TIAL1: variants seen among roughly 807,000 people sequenced by gnomAD.
TIAL1 encodes the protein TIA1 cytotoxic granule associated RNA binding protein like 1.
TIAL1 carries 7 observed loss-of-function variants against 59.7 expected under a neutral mutation model. The observed-to-expected ratio is 0.12, with a 90% CI of 0.07 to 0.22. The LOEUF (loss-of-function observed/expected upper bound fraction) is 0.22, where lower values mean the gene tolerates loss of function less well. TIAL1 is among the 10% of genes least tolerant of loss of function. TIAL1 has a pLI of 1.00. For missense variants in TIAL1, 225 were observed against 462.5 expected, an observed-to-expected ratio of 0.49 and a Z score of 4.71; for synonymous variants, 149 against 146.3, an observed-to-expected ratio of 1.02 and a Z score of -0.13.
At chr10:119,590,762 G>GAGAAAGAAAGAAAGAAAGAAAGAAAGAA (rs60594014) in intron 1 of TIAL1, among the ~76,000 whole-genome samples, 1 of 125,292 alleles carries the variant, frequency 8.0e-6, no homozygotes, top group Non-Finnish European at 1.7e-5. Flanking sequence ...GAGAGAAAGA[G>GAGAAAGAAAGAAAGAAAGAAAGAAAGAA]AGAAAGAAAG....
chr10:119,586,423 C>G (rs1258794404), intron 2 of TIAL1, among the ~76,000 whole-genome samples: 1 of 152,182 alleles, frequency 6.6e-6, no homozygotes, highest in African/African-American at 2.4e-5. Flanking sequence ...CTAGCACTTT[C>G]GAGAATAAGC....
At chr10:119,590,766 A>AAGAAAGAG (rs1554867684) in intron 1 of TIAL1, among the ~76,000 whole-genome samples, 1 of 56,490 alleles carries the variant, frequency 1.8e-5, no homozygotes, top group Non-Finnish European at 3.3e-5. Flanking sequence ...GAAAGAGAGA[A>AAGAAAGAG]AGAAAGAAAG....
chr10:119,577,830 C>A, intron 7 of TIAL1, 94 bp from the exon 8 acceptor site: 1 of 1,130,282 alleles, frequency 8.8e-7, no homozygotes, highest in Non-Finnish European at 1.3e-6. Flanking sequence ...ATGCCTCAGG[C>A]CGGGCACCCA....
At position 119,581,641 on chromosome 10, in the gene TIAL1, CCATT is replaced by C. The variant is rs199780402; in HGVS notation, c.371+277_371+280del. The stretch of plus-strand genomic sequence containing the variant: ...AAAAAGCTAGACTTTATAAGTTTTA[CCATT>C]CAAACATCTGCTTCAAAGATAACAA... On this transcript the variant is annotated intron_variant, in intron 5 of 11. Transcript: ENST00000436547. The C allele has an allele frequency of 4.0e-3, 1,014 of 250,792 alleles. 6 individuals carry two copies. Among genetic ancestry groups the C allele is most frequent in the African/African-American group, 0.021 (953 of 44,584 alleles). The allele number at this position is 250,792 out of a possible 1,614,324, so 15.5% of individuals were successfully genotyped here. A position where few individuals can be genotyped will look rare whatever the true frequency, so the allele number is the denominator to read the frequency against.
intron 1 of TIAL1, among the ~76,000 whole-genome samples, chr10:119,594,005 A>C (rs1846020625): frequency 6.7e-6 from 1 of 150,210 alleles, no homozygotes; most frequent in Non-Finnish European, 1.5e-5. Flanking sequence ...AGTACCTCTT[A>C]TGTTCCAGGC....
At chr10:119,585,274 A>G (rs1327278693) in intron 2 of TIAL1, among the ~76,000 whole-genome samples, 1 of 152,026 alleles carries the variant, frequency 6.6e-6, no homozygotes, top group Non-Finnish European at 1.5e-5. Flanking sequence ...CATTGGTAAC[A>G]TGGTGAAACC....
rs566873827 is a variant in TIAL1 at position 119,575,429 on chromosome 10, A to AT, written c.*235dup. The AT allele has an allele frequency of 3.5e-3, 1,326 of 380,368 alleles. 6 individuals carry two copies. The highest frequency in any genetic ancestry group is 5.2e-3 in the Non-Finnish European group (1,107 of 213,652). The allele number at this position is 380,368 out of a possible 1,614,324, so 23.6% of individuals were successfully genotyped here. A position where few individuals can be genotyped will look rare whatever the true frequency, so the allele number is the denominator to read the frequency against. ...AGTCAGAATTGTCTTTATTGACTTT[A>AT]TTTTAGTTTTTGTACATAAAGAAAA... On this transcript the variant is annotated 3_prime_UTR_variant, in exon 12 of 12. Coordinates refer to ENST00000436547, the MANE Select transcript of TIAL1 (RefSeq NM_003252.4).
chr10:119,584,097 T>C (rs1210808777), intron 2 of TIAL1, among the ~76,000 whole-genome samples: 3 of 152,188 alleles, frequency 2.0e-5, no homozygotes, highest in Non-Finnish European at 2.9e-5. Context: ...CCATACACTT[T>C]AGGAAACTAG....
intron 6 of TIAL1, 189 bp from the exon 7 acceptor site, chr10:119,579,023 A>G: frequency 3.4e-6 from 2 of 592,266 alleles, no homozygotes; most frequent in South Asian, 4.2e-5. Flanking sequence ...CAATCTAAGC[A>G]AAAACAGAAT....
chr10:119,585,799 C>T (rs1845543749), intron 2 of TIAL1, among the ~76,000 whole-genome samples: 1 of 152,170 alleles, frequency 6.6e-6, no homozygotes, highest in Non-Finnish European at 1.5e-5. Flanking sequence ...TTGAGCTCAA[C>T]AATGACCTCT....
chr10:119,591,350 T>C (rs889352672), intron 1 of TIAL1, among the ~76,000 whole-genome samples: 2 of 149,272 alleles, frequency 1.3e-5, no homozygotes, highest in African/African-American at 2.5e-5. Flanking sequence ...GAGGTTGCAG[T>C]GGGCTGAGAT....
At position 119,577,663 on chromosome 10, in the gene TIAL1, T is replaced by C. The variant is rs1845069302; in HGVS notation, c.630A>G (p.Gly210=). 1.2e-6 allele frequency: 2 copies of C among 1,614,038 alleles called. No homozygotes were observed. The highest frequency in any genetic ancestry group is 1.7e-6 in the Non-Finnish European group (2 of 1,180,006). The change falls in exon 8 of 12, where the codon GGA becomes GGG. Residue 210 remains glycine, a synonymous_variant. Coordinates refer to ENST00000436547, the MANE Select transcript of TIAL1 (RefSeq NM_003252.4). ...SSPKNCTVYC[G]GIASGLTDQL... is the part of the protein sequence containing the mutation. ...TACCTGTTAACCCAGACGCAATTCC[T>C]CCACAGTACACAGTACAATTTTTTG... is the stretch of plus-strand genomic sequence containing the variant.
intron 8 of TIAL1, 28 bp downstream of exon 8, chr10:119,577,611 CAG>C: frequency 6.2e-7 from 1 of 1,608,450 alleles, no homozygotes; most frequent in Non-Finnish European, 8.5e-7. Flanking sequence ...TGAAGCTCCT[CAG>C]AGGTGATTAG....
chr10:119,587,603 AG>A (rs1011491395), intron 2 of TIAL1, among the ~76,000 whole-genome samples: 1 of 152,094 alleles, frequency 6.6e-6, no homozygotes, highest in Non-Finnish European at 1.5e-5. Context: ...CACTTACTGC[AG>A]TATCTAGTAC....
chr10:119,585,122 C>CAAAA (rs34500092), intron 2 of TIAL1, among the ~76,000 whole-genome samples: 5 of 46,498 alleles, frequency 1.1e-4, no homozygotes, highest in East Asian at 4.8e-4. Flanking sequence ...GATTCCATCT[C>CAAAA]AAAAAAAAAA....
In TIAL1 at chr10:119,575,425, C is replaced by G; in HGVS notation, c.*240G>C. On this transcript the variant is annotated 3_prime_UTR_variant, in exon 12 of 12. Coordinates refer to ENST00000436547, the MANE Select transcript of TIAL1 (RefSeq NM_003252.4). ...TTGTAGTCAGAATTGTCTTTATTGACTTTATTTTAGTTTTTGTACATAAAG... is the reference window on the plus strand; with the variant it reads ...TTGTAGTCAGAATTGTCTTTATTGAGTTTATTTTAGTTTTTGTACATAAAG... The G allele has an allele frequency of 2.7e-6, 1 of 364,764 alleles. No homozygotes were observed. Among genetic ancestry groups the G allele is most frequent in the East Asian group, 5.7e-5 (1 of 17,568 alleles). 22.6% of individuals were successfully genotyped at this position (364,764 alleles called of 1,614,324 possible).
At chr10:119,595,000 A>G (rs1418981764) in intron 1 of TIAL1, among the ~76,000 whole-genome samples, 1 of 152,210 alleles carries the variant, frequency 6.6e-6, no homozygotes, top group South Asian at 2.1e-4. Flanking sequence ...CACAAAACAC[A>G]AAGACGTTCT....
intron 1 of TIAL1, among the ~76,000 whole-genome samples, chr10:119,591,253 A>G (rs1845868531): frequency 6.6e-6 from 1 of 151,960 alleles, no homozygotes; most frequent in African/African-American, 2.4e-5. Context: ...AAAACACAAA[A>G]AATTAGCCAG....
chr10:119,575,780 G>A lies in TIAL1; in HGVS notation c.1013C>T (p.Ser338Phe). The change falls in exon 12 of 12, where the codon TCT becomes TTT. Residue 338 changes from serine (S) to phenylalanine (F), a missense_variant. Ser to Phe is a radical substitution (Grantham distance 155, BLOSUM62 -2). This residue lies in a region of TIAL1 where 68 missense variants were observed against 71.3 expected (regional missense o/e 0.95). Transcript: ENST00000436547. ...ACCAAATCCACCCATCCAAGCAGCA[G>A]AAGGTGATTGACTTGGAAGAAAAAG... The part of the protein sequence containing the change: ...QQGFGVDQSP[S>F]AAWMGGFGAQ... The A allele has an allele frequency of 6.5e-7, 1 of 1,545,300 alleles. No homozygotes were observed. The highest frequency in any genetic ancestry group is 8.7e-7 in the Non-Finnish European group (1 of 1,152,432).
Sources: allele counts gnomAD v4.1 joint callset (sites outside exome capture counted in the v4.1 genomes callset), GRCh38; gene constraint gnomAD v4.1.1; regional missense constraint gnomAD v4.1.1; transcripts MANE v1.5; gene names NCBI Gene and HGNC (gene_info 2026-07-23, HGNC 2026-07-21).